The following FTO variants were observed in gnomAD, a reference collection of about 807,000 sequenced individuals.
FTO encodes the protein alpha-ketoglutarate-dependent dioxygenase FTO.
FTO carries 47 observed loss-of-function variants against 63.9 expected under a neutral mutation model. The observed-to-expected ratio is 0.74, with a 90% CI of 0.58 to 0.94. The LOEUF (loss-of-function observed/expected upper bound fraction) is 0.94, where lower values mean the gene tolerates loss of function less well. Among genes scored for constraint, FTO ranks in the 40% least tolerant of loss-of-function variants. The probability of loss-of-function intolerance (pLI) is 0.00; values close to 1 mark genes in which losing one functional copy is unlikely to be tolerated. For missense variants in FTO, 562 were observed against 618.1 expected (o/e 0.91, Z 0.96); for synonymous variants, 207 against 224.4 (o/e 0.92, Z 0.69).
intron 8 of FTO, among the ~76,000 whole-genome samples, chr16:54,064,484 A>G (rs1347281301): frequency 6.6e-6 from 1 of 152,206 alleles, no homozygotes; most frequent in African/African-American, 2.4e-5. Context: ...AAAGATGTCA[A>G]TTTGTGCACC....
intron 8 of FTO, among the ~76,000 whole-genome samples, chr16:54,072,757 C>T (rs935545162): frequency 6.6e-6 from 1 of 152,178 alleles, no homozygotes; most frequent in African/African-American, 2.4e-5. Flanking sequence ...AGCCTCCTCA[C>T]TAGGATGGCT....
chr16:53,724,816 G>T (rs908052029), intron 1 of FTO, among the ~76,000 whole-genome samples: 2 of 152,184 alleles, frequency 1.3e-5, no homozygotes, highest in Non-Finnish European at 2.9e-5. Context: ...AAGAAATTCA[G>T]CTTGGTCCTC....
At chr16:53,904,422 T>A (rs2081484169) in intron 7 of FTO, among the ~76,000 whole-genome samples, 1 of 152,188 alleles carries the variant, frequency 6.6e-6, no homozygotes, top group Non-Finnish European at 1.5e-5. Flanking sequence ...CCAATACATA[T>A]AGCGGTTCCC....
intron 3 of FTO, among the ~76,000 whole-genome samples, chr16:53,834,724 CCTTTT>C (rs1165295882): frequency 6.6e-6 from 1 of 152,090 alleles, no homozygotes; most frequent in Non-Finnish European, 1.5e-5. Context: ...AGTTTTTACA[CCTTTT>C]CTTCCCATTT....
chr16:53,777,736 C>T (rs1018980831), intron 1 of FTO, among the ~76,000 whole-genome samples: 34 of 152,124 alleles, frequency 2.2e-4, no homozygotes, highest in African/African-American at 8.0e-4. Flanking sequence ...TACAAATTTT[C>T]TAAATTTCTG....
chr16:54,088,521 A>AT (rs2086299727), intron 8 of FTO, among the ~76,000 whole-genome samples: 1 of 152,150 alleles, frequency 6.6e-6, no homozygotes, highest in Non-Finnish European at 1.5e-5. Flanking sequence ...CATTCAAAAC[A>AT]CTCTTTTAAT....
chr16:53,876,783 C>T lies in FTO; in HGVS notation c.975+2918C>T, dbSNP rs560109661. On this transcript the variant is annotated intron_variant, in intron 5 of 8. Transcript: ENST00000471389. ...CTTTACTAAAAATTCAAAAATTAGC[C>T]AGGTGTGGTGCCACATGCCTGTAAT... Among the ~76,000 whole-genome samples, 4 of 152,200 alleles carry T rather than the reference C, an allele frequency of 2.6e-5. No individual in the cohort carries two copies. In the South Asian group the frequency reaches 6.2e-4, roughly 24 times the overall value.
At chr16:53,782,048 A>T (rs754906384) in intron 1 of FTO, among the ~76,000 whole-genome samples, 8 of 152,242 alleles carry the variant, frequency 5.3e-5, no homozygotes, top group Admixed American at 4.6e-4. Context: ...ATCTGATGAC[A>T]GTTATGGAAC....
chr16:53,954,982 C>T (rs1227123188), intron 8 of FTO, among the ~76,000 whole-genome samples: 2 of 152,064 alleles, frequency 1.3e-5, no homozygotes, highest in African/African-American at 2.4e-5. Flanking sequence ...ATTTTTAGAG[C>T]AGAAACCTAA....
chr16:54,075,577 GT>G (rs1296429325), intron 8 of FTO, among the ~76,000 whole-genome samples: 1 of 152,180 alleles, frequency 6.6e-6, no homozygotes, highest in Non-Finnish European at 1.5e-5. Flanking sequence ...AGTTTTCTCT[GT>G]AATGTCTGTG....
chr16:54,068,777 C>T (rs1254412424), intron 8 of FTO, among the ~76,000 whole-genome samples: 5 of 152,070 alleles, frequency 3.3e-5, no homozygotes, highest in African/African-American at 9.7e-5. Flanking sequence ...TGGAGTGCTT[C>T]GTTAAGGCTA....
At chr16:53,910,454 G>A (rs1451575292) in intron 7 of FTO, among the ~76,000 whole-genome samples, 1 of 152,134 alleles carries the variant, frequency 6.6e-6, no homozygotes, top group Admixed American at 6.5e-5. Context: ...GGGACCTGCT[G>A]CAAAAATTTT....
At chr16:53,869,547 T>A (rs2080435348) in intron 4 of FTO, among the ~76,000 whole-genome samples, 1 of 152,018 alleles carries the variant, frequency 6.6e-6, no homozygotes, top group South Asian at 2.1e-4. Flanking sequence ...TTCTGTTTTT[T>A]TTTTTTTTTC....
intron 8 of FTO, among the ~76,000 whole-genome samples, chr16:53,958,453 C>T (rs2082984250): frequency 6.6e-6 from 1 of 152,154 alleles, no homozygotes; most frequent in African/African-American, 2.4e-5. Context: ...AGGCTGCAGT[C>T]TGTTTCTAAG....
chr16:54,007,097 G>A (rs2084224864), intron 8 of FTO, among the ~76,000 whole-genome samples: 1 of 152,146 alleles, frequency 6.6e-6, no homozygotes, highest in South Asian at 2.1e-4. Context: ...GAAATAGGAT[G>A]CATTTCATAC....
chr16:53,738,334 G>T (rs1369510695), intron 1 of FTO, among the ~76,000 whole-genome samples: 2 of 152,144 alleles, frequency 1.3e-5, no homozygotes, highest in South Asian at 2.1e-4. Context: ...TAGAGATGAG[G>T]TCTGGCTATG....
chr16:53,867,106 C>CT (rs138351976), intron 4 of FTO, among the ~76,000 whole-genome samples: 2 of 151,630 alleles, frequency 1.3e-5, no homozygotes, highest in Non-Finnish European at 2.9e-5. Flanking sequence ...CATTTAGTTC[C>CT]TTTTTTTTAA....
At chr16:53,818,937 AT>A (rs1185281849) in intron 2 of FTO, among the ~76,000 whole-genome samples, 1 of 152,128 alleles carries the variant, frequency 6.6e-6, no homozygotes, top group African/African-American at 2.4e-5. Context: ...CTTATGACAA[AT>A]TCCTAAAAGT....
intron 7 of FTO, among the ~76,000 whole-genome samples, chr16:53,929,588 C>T (rs1016066587): frequency 1.3e-5 from 2 of 152,130 alleles, no homozygotes; most frequent in East Asian, 3.9e-4. Flanking sequence ...ATATGCTAAA[C>T]GTATGTTTAA....
Sources: allele counts gnomAD v4.1 joint callset (sites outside exome capture counted in the v4.1 genomes callset), GRCh38; gene constraint gnomAD v4.1.1; transcripts MANE v1.5; gene names NCBI Gene and HGNC (gene_info 2026-07-23, HGNC 2026-07-21).